Variants in CELF3 observed in about 807,000 individuals in gnomAD.
The protein encoded by CELF3 is CAG repeat domain.
A neutral mutation model predicts 59.6 loss-of-function variants in CELF3; 26 were observed. That is an observed-to-expected ratio of 0.44 (90% CI 0.32 to 0.61). CELF3 has a LOEUF of 0.61. CELF3 is among the 20% of genes least tolerant of loss of function. CELF3 has a pLI of 0.06. For missense variants in CELF3, 387 were observed against 627.2 expected (o/e 0.62, Z 4.09); for synonymous variants, 245 against 250.7 (o/e 0.98, Z 0.22).
Position 151,701,910 on chromosome 1 carries a change from G to A in CELF3, c.*1549C>T, listed in dbSNP as rs1456091288. Among the ~76,000 whole-genome samples, 5 of 152,186 alleles carry A rather than the reference G, an allele frequency of 3.3e-5. No individual in the cohort carries two copies. The highest frequency in any genetic ancestry group is 1.3e-4 in the Admixed American group (2 of 15,276). On this transcript the variant is annotated 3_prime_UTR_variant, in exon 13 of 13. Coordinates refer to ENST00000290583, the MANE Select transcript of CELF3 (RefSeq NM_007185.7). ...CACACTCCAGCTTGAGTGACAGAGT[G>A]AGACCCTGTTTCAAAGTAAATAAGT...
rs1284083407 is a variant in CELF3, at chr1:151,703,182, C to A, written c.*277G>T. The stretch of plus-strand genomic sequence containing the variant: ...ACAGGAGCCCAGCAGAAGGCAGATA[C>A]CCCGGAGCCTTCGAGCCTGTTCCTC... On this transcript the variant is annotated 3_prime_UTR_variant, in exon 13 of 13. Coordinates refer to ENST00000290583, the MANE Select transcript of CELF3 (RefSeq NM_007185.7). 1 of 459,916 alleles carries A rather than the reference C, an allele frequency of 2.2e-6. No individual in the cohort carries two copies. The highest frequency in any genetic ancestry group is 4.4e-6 in the Non-Finnish European group (1 of 228,940). 28.5% of individuals were successfully genotyped at this position (459,916 alleles called of 1,614,324 possible).
At chr1:151,715,118 G>A (rs878775) in intron 1 of CELF3, among the ~76,000 whole-genome samples, 1 of 151,666 alleles carries the variant, frequency 6.6e-6, no homozygotes, top group African/African-American at 2.4e-5. Flanking sequence ...GGTGGAGGAC[G>A]GAGAGTGAAA....
rs879195506 is a variant in CELF3, at chr1:151,706,676, G to A, written c.981C>T (p.His327=). The stretch of plus-strand genomic sequence containing the variant: ...CTGGCTAGGGCGCCTCACCTGTGTA[G>A]TGCTGCATCCCCGCGTAGGCCTGCT... The part of the protein sequence containing the change: ...PLQQAYAGMQ[H]YTAAYPAAYS... Residue 327 remains histidine, a synonymous_variant, in exon 9 of 13, where the codon CAC becomes CAT. Coordinates refer to ENST00000290583, the MANE Select transcript of CELF3 (RefSeq NM_007185.7). The A allele has an allele frequency of 1.3e-6, 2 of 1,551,366 alleles. No individual in the cohort carries two copies. The highest frequency in any genetic ancestry group is 8.7e-7 in the Non-Finnish European group (1 of 1,146,958).
chr1:151,711,602 C>T (rs1673025779), intron 2 of CELF3, among the ~76,000 whole-genome samples: 1 of 152,240 alleles, frequency 6.6e-6, no homozygotes, highest in Non-Finnish European at 1.5e-5. Context: ...TGTGCGGGTG[C>T]GCATGCGCAA....
Position 151,704,981 on chromosome 1 carries a change from G to A in CELF3, c.*10+50C>T, listed in dbSNP as rs895771927. 5 of 1,559,214 alleles carry A rather than the reference G, an allele frequency of 3.2e-6. No individual in the cohort carries two copies. The African/African-American group carries it at 6.8e-5, about 21-fold the overall frequency. On this transcript the variant is annotated intron_variant, in intron 12 of 12. Transcript: ENST00000290583. Reference sequence around the variant, plus strand: ...GGGTGTAGTCCAATCGAGGGCCCTGGCTGCAGTGTGTGAAGCTGGGGAGGG... The same window carrying A: ...GGGTGTAGTCCAATCGAGGGCCCTGACTGCAGTGTGTGAAGCTGGGGAGGG...
chr1:151,712,699 A>C (rs1046154698), intron 2 of CELF3, among the ~76,000 whole-genome samples: 2 of 152,216 alleles, frequency 1.3e-5, no homozygotes. Flanking sequence ...CCCAGCCCCC[A>C]TTCTTTCTCT....
At chr1:151,706,063 C>A (rs1672491742) in intron 10 of CELF3, 98 bp from the exon 11 acceptor site, 5 of 1,586,016 alleles carry the variant, frequency 3.2e-6, no homozygotes, top group Non-Finnish European at 4.3e-6. Context: ...GGAGTGCCCT[C>A]CAGTCCCAGT....
At chr1:151,712,995 A>G (rs749585385) in intron 2 of CELF3, among the ~76,000 whole-genome samples, 25 of 152,128 alleles carry the variant, frequency 1.6e-4, no homozygotes, top group Non-Finnish European at 2.6e-4. Context: ...GCAGGAGAAG[A>G]CTTAGGGAAG....
Position 151,705,423 on chromosome 1 carries a change from C to T in CELF3, c.1271-255G>A. Among the ~76,000 whole-genome samples the T allele has an allele frequency of 6.6e-6, 1 of 152,222 alleles. No homozygotes were observed. The highest frequency in any genetic ancestry group is 1.9e-4 in the East Asian group (1 of 5,198). On this transcript the variant is annotated intron_variant, in intron 11 of 12. Transcript: ENST00000290583. The surrounding 1 kb of genome is among the most constrained non-coding windows in gnomAD (Gnocchi z 5.1). Reference sequence around the variant, plus strand: ...CTCTGCCTGGATAGCTCTGAGCCTGCCCTTTGAAAACGGCCACTTCCAGAC... The same window carrying T: ...CTCTGCCTGGATAGCTCTGAGCCTGTCCTTTGAAAACGGCCACTTCCAGAC...
chr1:151,716,781 C>T lies in CELF3; in HGVS notation c.-761G>A, dbSNP rs1023948176. On this transcript the variant is annotated 5_prime_UTR_variant, in exon 1 of 13. Coordinates refer to ENST00000290583, the MANE Select transcript of CELF3 (RefSeq NM_007185.7). ...TGGGTCCCGGAGCTCTGCTCTCCGG[C>T]CGCGCTCTCCTCAACAAAAACCTCC... 1.3e-5 allele frequency: 6 copies of T among 466,644 alleles called. No homozygotes were observed. The highest frequency in any genetic ancestry group is 2.7e-5 in the Non-Finnish European group (6 of 226,292). 28.9% of individuals were successfully genotyped at this position (466,644 alleles called of 1,614,324 possible).
chr1:151,703,208 G>A lies in CELF3; in HGVS notation c.*251C>T, dbSNP rs917144343. 2.8e-5 allele frequency: 13 copies of A among 458,578 alleles called. No homozygotes were observed. Among genetic ancestry groups the A allele is most frequent in the Non-Finnish European group, 5.7e-5 (13 of 228,226 alleles). 28.4% of individuals were successfully genotyped at this position (458,578 alleles called of 1,614,324 possible). A position where few individuals can be genotyped will look rare whatever the true frequency, so the allele number is the denominator to read the frequency against. Reference sequence around the variant, plus strand: ...CCCGGAGCCTTCGAGCCTGTTCCTCGCTCCCTCACAAAGGCCAAAAGGGCA... The same window carrying A: ...CCCGGAGCCTTCGAGCCTGTTCCTCACTCCCTCACAAAGGCCAAAAGGGCA... On this transcript the variant is annotated 3_prime_UTR_variant, in exon 13 of 13. Coordinates refer to ENST00000290583, the MANE Select transcript of CELF3 (RefSeq NM_007185.7).
At chr1:151,706,193 C>G in intron 10 of CELF3, 31 bp downstream of exon 10, 1 of 1,611,658 alleles carries the variant, frequency 6.2e-7, no homozygotes, top group Non-Finnish European at 8.5e-7. Context: ...ATAACGAGGG[C>G]ATTCCTGTCT....
chr1:151,706,176 C>T (rs780144439), intron 10 of CELF3, 48 bp downstream of exon 10: 1 of 1,611,024 alleles, frequency 6.2e-7, no homozygotes, highest in South Asian at 1.1e-5. Context: ...AGGGAGTCCC[C>T]AAGCCCATAA....
chr1:151,710,914 T>A (rs777627996), intron 2 of CELF3: 3 of 441,188 alleles, frequency 6.8e-6, no homozygotes, highest in Non-Finnish European at 1.4e-5. Context: ...TAGTATTTAG[T>A]GTCTGAAAAT....
At position 151,705,709 on chromosome 1, in the gene CELF3, G is replaced by T; in HGVS notation, c.1270+113C>A. On this transcript the variant is annotated intron_variant, in intron 11 of 12. Transcript: ENST00000290583. The surrounding 1 kb of genome is among the most constrained non-coding windows in gnomAD (Gnocchi z 5.1). ...GTCAAAATGGCTCTTTTGTACTCTT[G>T]GATAATCAGTATTTCAAATACTGGG... The T allele has an allele frequency of 2.5e-6, 3 of 1,208,482 alleles. No individual in the cohort carries two copies. Among genetic ancestry groups the T allele is most frequent in the Non-Finnish European group, 3.5e-6 (3 of 851,520 alleles). 74.9% of individuals were successfully genotyped at this position (1,208,482 alleles called of 1,614,324 possible).
At chr1:151,707,749 A>T (rs377193132) in intron 6 of CELF3, 43 bp downstream of exon 6, 2 of 1,605,600 alleles carry the variant, frequency 1.2e-6, no homozygotes, top group Non-Finnish European at 1.7e-6. Flanking sequence ...GGCAAGATAC[A>T]GGGGGTCAGG....
rs930392102 is a variant in CELF3 at position 151,715,783 on chromosome 1, C to T, written c.145+93G>A. ...CTGAACTCTTCTCCTTCCACATCAG[C>T]CCTTCCCAGCCGCTCCACCCCTCCA... On this transcript the variant is annotated intron_variant, in intron 1 of 12. Transcript: ENST00000290583. 6.9e-6 allele frequency: 11 copies of T among 1,593,478 alleles called. No homozygotes were observed. In the Admixed American group the frequency reaches 1.9e-4, roughly 27 times the overall value.
intron 2 of CELF3, among the ~76,000 whole-genome samples, chr1:151,713,182 A>G (rs1190470117): frequency 6.6e-6 from 1 of 152,208 alleles, no homozygotes; most frequent in Non-Finnish European, 1.5e-5. Context: ...AGCGTCACCT[A>G]GAAGCTCTGG....
chr1:151,707,465 T>C (rs1381617038), intron 7 of CELF3, 42 bp downstream of exon 7: 1 of 1,606,214 alleles, frequency 6.2e-7, no homozygotes, highest in South Asian at 1.1e-5. Flanking sequence ...TCCCTACCCC[T>C]ACCATGCTTA....
Sources: allele counts gnomAD v4.1 joint callset (sites outside exome capture counted in the v4.1 genomes callset), GRCh38; gene constraint gnomAD v4.1.1; non-coding constraint Gnocchi (gnomAD v3.1); transcripts MANE v1.5; gene names NCBI Gene and HGNC (gene_info 2026-07-23, HGNC 2026-07-21).